The following DNAH11 variants were observed in gnomAD, a reference collection of about 807,000 sequenced individuals.
DNAH11 encodes the protein dynein axonemal heavy chain 11.
In DNAH11, 442 loss-of-function variants were observed where a neutral mutation model predicts 526.0. That is an observed-to-expected ratio of 0.84 (90% CI 0.78 to 0.91). DNAH11 has a LOEUF of 0.91. Among genes scored for constraint, DNAH11 ranks in the 40% least tolerant of loss-of-function variants. The probability of loss-of-function intolerance (pLI) is 0.00; values close to 1 mark genes in which losing one functional copy is unlikely to be tolerated. For synonymous variants in DNAH11, 2,461 were observed against 1,935.9 expected (o/e 1.27, Z -7.12); for missense variants, 6,989 against 5,448.7 (o/e 1.28, Z -8.90).
At chr7:21,610,857 C>T (rs559574988) in intron 20 of DNAH11, among the ~76,000 whole-genome samples, 81 of 152,256 alleles carry the variant, frequency 5.3e-4, no homozygotes, top group African/African-American at 1.9e-3. Context: ...GCCTAAGGGA[C>T]GCATAGAAAG....
At chr7:21,760,456 C>T (rs1245628174) in intron 54 of DNAH11, among the ~76,000 whole-genome samples, 1 of 152,154 alleles carries the variant, frequency 6.6e-6, no homozygotes, top group East Asian at 1.9e-4. Flanking sequence ...CTCGTAATCA[C>T]ATCAAAAGAC....
At chr7:21,774,544 T>TC (rs1026941053) in intron 56 of DNAH11, among the ~76,000 whole-genome samples, 1 of 152,238 alleles carries the variant, frequency 6.6e-6, no homozygotes, top group Non-Finnish European at 1.5e-5. Flanking sequence ...GAGAGAATCA[T>TC]CACAGGATGT....
intron 64 of DNAH11, among the ~76,000 whole-genome samples, chr7:21,817,238 G>T (rs1789834721): frequency 1.3e-5 from 2 of 152,086 alleles, no homozygotes; most frequent in African/African-American, 4.8e-5. Context: ...TGATAATACT[G>T]TCTGATAGAT....
chr7:21,864,182 A>G (rs1171735795), intron 69 of DNAH11, among the ~76,000 whole-genome samples: 1 of 152,224 alleles, frequency 6.6e-6, no homozygotes, highest in Admixed American at 6.5e-5. Flanking sequence ...TAGTAATTTA[A>G]TCCATTGTCA....
At chr7:21,780,895 A>G (rs1787915052) in intron 57 of DNAH11, among the ~76,000 whole-genome samples, 1 of 152,224 alleles carries the variant, frequency 6.6e-6, no homozygotes, top group South Asian at 2.1e-4. Context: ...TGCAGTGGAA[A>G]AGACCGACAT....
At chr7:21,735,405 C>G (rs1028016425) in intron 45 of DNAH11, among the ~76,000 whole-genome samples, 6 of 152,152 alleles carry the variant, frequency 3.9e-5, no homozygotes, top group Admixed American at 3.3e-4. Flanking sequence ...CTTTATGGTA[C>G]TTTGATGGCA....
chr7:21,722,340 G>T (rs1784912535), intron 44 of DNAH11, among the ~76,000 whole-genome samples: 1 of 152,120 alleles, frequency 6.6e-6, no homozygotes, highest in Non-Finnish European at 1.5e-5. Flanking sequence ...ATGGTTCATA[G>T]TGCTTCTATG....
chr7:21,799,644 A>G (rs1167934700), intron 61 of DNAH11, among the ~76,000 whole-genome samples: 9 of 152,076 alleles, frequency 5.9e-5, no homozygotes, highest in Admixed American at 2.0e-4. Flanking sequence ...CCATATTTCA[A>G]TCTTATTTCT....
At chr7:21,735,973 G>A (rs1253036513) in intron 46 of DNAH11, 129 bp downstream of exon 46, 2 of 873,286 alleles carry the variant, frequency 2.3e-6, no homozygotes, top group Non-Finnish European at 1.7e-6. Context: ...AGATGAATTT[G>A]TACTTATCAT....
intron 64 of DNAH11, 128 bp downstream of exon 64, chr7:21,816,830 T>A (rs1789817323): frequency 2.7e-6 from 2 of 736,538 alleles, no homozygotes; most frequent in East Asian, 5.4e-5. Flanking sequence ...GCTATTTGTT[T>A]ATCTGCCTGT....
intron 74 of DNAH11, among the ~76,000 whole-genome samples, chr7:21,877,361 C>G (rs944352017): frequency 2.6e-5 from 4 of 152,156 alleles, no homozygotes; most frequent in African/African-American, 7.2e-5. Flanking sequence ...AGGTGTATGC[C>G]ACTATGCCTG....
chr7:21,800,894 C>G (rs972124169), intron 61 of DNAH11, among the ~76,000 whole-genome samples: 1 of 152,034 alleles, frequency 6.6e-6, no homozygotes, highest in Non-Finnish European at 1.5e-5. Context: ...TGCATTCTGC[C>G]CAGTGGAGGC....
chr7:21,890,947 G>A (rs765666426), intron 76 of DNAH11, among the ~76,000 whole-genome samples: 2 of 152,094 alleles, frequency 1.3e-5, no homozygotes, highest in Non-Finnish European at 2.9e-5. Context: ...ATGCTGTGTC[G>A]AATGTTTTAA....
intron 45 of DNAH11, among the ~76,000 whole-genome samples, chr7:21,730,767 A>G (rs1452732951): frequency 1.3e-5 from 2 of 152,210 alleles, no homozygotes; most frequent in Admixed American, 6.5e-5. Flanking sequence ...TCTATCGTAC[A>G]TGGTGACTGT....
intron 49 of DNAH11, among the ~76,000 whole-genome samples, chr7:21,742,658 G>T (rs938226226): frequency 6.6e-6 from 1 of 151,986 alleles, no homozygotes; most frequent in Non-Finnish European, 1.5e-5. Context: ...TACTGTTAAC[G>T]GTGTTCCTTT....
intron 55 of DNAH11, among the ~76,000 whole-genome samples, chr7:21,765,938 C>G (rs1246198354): frequency 6.6e-6 from 1 of 152,116 alleles, no homozygotes; most frequent in East Asian, 1.9e-4. Flanking sequence ...ATTATAAATC[C>G]TTTAAGTCCA....
chr7:21,772,830 A>G (rs1264660650), intron 55 of DNAH11, among the ~76,000 whole-genome samples: 1 of 152,156 alleles, frequency 6.6e-6, no homozygotes, highest in East Asian at 1.9e-4. Flanking sequence ...TTTCACCAAG[A>G]ATTGGCTGGT....
chr7:21,590,889 C>G (rs776866313), intron 12 of DNAH11, 29 bp from the exon 13 acceptor site: 1 of 1,216,034 alleles, frequency 8.2e-7, no homozygotes, highest in South Asian at 2.3e-5. Flanking sequence ...TGAAAATATG[C>G]AATAATTTTA....
intron 77 of DNAH11, among the ~76,000 whole-genome samples, chr7:21,893,043 T>A (rs1562607536): frequency 6.6e-6 from 1 of 152,378 alleles, no homozygotes; most frequent in East Asian, 1.9e-4. Flanking sequence ...TTGAATTCTA[T>A]ATGAATATAA....
Sources: allele counts gnomAD v4.1 joint callset (sites outside exome capture counted in the v4.1 genomes callset), GRCh38; gene constraint gnomAD v4.1.1; transcripts MANE v1.5; gene names NCBI Gene and HGNC (gene_info 2026-07-23, HGNC 2026-07-21).